RPL36A: variants seen among roughly 807,000 people sequenced by gnomAD.
RPL36A encodes the protein large ribosomal subunit protein eL42.
For synonymous variants in RPL36A, 25 were observed against 28.5 expected (o/e 0.88, Z 0.39); for missense variants, 20 against 81.0 (o/e 0.25, Z 2.89).
chrX:101,395,647 T>C, intron 4 of RPL36A, 81 bp from the exon 5 acceptor site: 1 of 1,126,258 alleles, frequency 8.9e-7, no homozygotes, highest in Non-Finnish European at 1.2e-6. Flanking sequence ...GCATGGTGAG[T>C]ATTTTAGGAA....
intron 3 of RPL36A, 138 bp from the exon 4 acceptor site, chrX:101,395,197 A>T (rs1341183939): frequency 5.1e-6 from 3 of 588,918 alleles, no homozygotes; most frequent in African/African-American, 2.4e-5. Flanking sequence ...TACTATTTAA[A>T]GCAAAGCATT....
chrX:101,392,380 C>T (rs1476559770), intron 3 of RPL36A: 10 of 825,976 alleles, frequency 1.2e-5, no homozygotes, highest in South Asian at 4.3e-5. Flanking sequence ...ATGATTGGAA[C>T]GGAGCATTCT....
intron 3 of RPL36A, chrX:101,393,781 A>G (rs1222558657): frequency 9.8e-5 from 11 of 112,198 alleles, no homozygotes; most frequent in Non-Finnish European, 1.9e-4. Context: ...CAGCCAAAGG[A>G]GTCTAGAGAC....
In RPL36A at chrX:101,392,464, T is replaced by C. The variant is rs994331325; in HGVS notation, c.177+642T>C. The C allele has an allele frequency of 2.9e-5, 22 of 765,531 alleles. No individual in the cohort carries two copies. The South Asian group carries it at 8.3e-4, about 29-fold the overall frequency. 63.1% of individuals were successfully genotyped at this position (765,531 alleles called of 1,213,427 possible). On this transcript the variant is annotated intron_variant, in intron 3 of 4. Transcript: ENST00000553110. ...TCCAGAAAGTATTAAGGAATGACTTTAGTGCTCATTTGGATGCAGTAAGTG... is the reference window on the plus strand; with the variant it reads ...TCCAGAAAGTATTAAGGAATGACTTCAGTGCTCATTTGGATGCAGTAAGTG...
chrX:101,394,756 T>A (rs1927956909), intron 3 of RPL36A, among the ~76,000 whole-genome samples: 1 of 98,436 alleles, frequency 1.0e-5, no homozygotes, highest in South Asian at 4.5e-4. Flanking sequence ...TTATGTTTTT[T>A]ATATATATTT....
intron 3 of RPL36A, 42 bp downstream of exon 3, chrX:101,391,864 G>T (rs782253603): frequency 6.7e-6 from 8 of 1,201,179 alleles, no homozygotes; most frequent in Middle Eastern, 2.3e-4. Flanking sequence ...GTTAATTGCC[G>T]TAAGGATATG....
At chrX:101,393,990 T>A (rs1007548961) in intron 3 of RPL36A, 8 of 112,352 alleles carry the variant, frequency 7.1e-5, no homozygotes, top group African/African-American at 2.6e-4. Flanking sequence ...TGCAATTTTT[T>A]GGTAAATAGA....
At chrX:101,391,434 A>G in intron 1 of RPL36A, 25 bp from the exon 2 acceptor site, 1 of 1,206,658 alleles carries the variant, frequency 8.3e-7, no homozygotes, top group South Asian at 1.8e-5. Flanking sequence ...ATAACATTGC[A>G]CGTTCTGAAC....
At chrX:101,391,953 A>G (rs1927825155) in intron 3 of RPL36A, 131 bp downstream of exon 3, 6 of 1,185,945 alleles carry the variant, frequency 5.1e-6, no homozygotes, top group Middle Eastern at 2.3e-4. Flanking sequence ...TGATATATCT[A>G]GTAGGTGATG....
At chrX:101,392,355 A>T (rs1428352978) in intron 3 of RPL36A, 14 of 848,976 alleles carry the variant, frequency 1.6e-5, no homozygotes, top group Non-Finnish European at 2.0e-5. Context: ...GCTAACTCTT[A>T]AAGTAATTAG....
At chrX:101,392,747 T>C (rs781873593) in intron 3 of RPL36A, 70 of 355,881 alleles carry the variant, frequency 2.0e-4, no homozygotes, top group Non-Finnish European at 2.4e-4. Flanking sequence ...TCTGCACTCC[T>C]ATGTTTGTTG....
intron 3 of RPL36A, 46 bp from the exon 4 acceptor site, chrX:101,395,288 GA>G (rs1569301692): frequency 1.8e-6 from 2 of 1,123,064 alleles, no homozygotes; most frequent in East Asian, 6.4e-5. Flanking sequence ...TGAAGAAAGT[GA>G]TCTTCTGTAG....
rs3216787 is a variant in RPL36A at position 101,391,091 on chromosome X, TC to T, written c.3+52del. 119 of 1,176,947 alleles carry T rather than the reference TC, an allele frequency of 1.0e-4. No individual in the cohort carries two copies. In the East Asian group the frequency reaches 2.7e-3, roughly 27 times the overall value. On this transcript the variant is annotated intron_variant, in intron 1 of 4. Coordinates refer to ENST00000553110, the MANE Select transcript of RPL36A (RefSeq NM_021029.6). ...GCCGAGTAACATCCAGCTTAATCTT[TC>T]CCCCCCTTCGTCGCCCGTGCTATGC... is the stretch of plus-strand genomic sequence containing the variant.
intron 3 of RPL36A, 113 bp downstream of exon 3, chrX:101,391,935 C>A (rs1927824264): frequency 8.4e-7 from 1 of 1,188,121 alleles, no homozygotes; most frequent in East Asian, 3.0e-5. Flanking sequence ...GCGAAGTTTT[C>A]ACTGCACTGA....
chrX:101,394,729 A>C (rs1277007152), intron 3 of RPL36A, among the ~76,000 whole-genome samples: 1 of 100,298 alleles, frequency 1.0e-5, no homozygotes, highest in Non-Finnish European at 2.0e-5. Context: ...TTTATATATT[A>C]TATATTATAT....
chrX:101,395,876 C>A lies in RPL36A; in HGVS notation c.*128C>A. 1.7e-6 allele frequency: 1 copy of A among 600,874 alleles called. No homozygotes were observed. Among genetic ancestry groups the A allele is most frequent in the Non-Finnish European group, 2.6e-6 (1 of 387,753 alleles). The allele number at this position is 600,874 out of a possible 1,213,427, so 49.5% of individuals were successfully genotyped here. On this transcript the variant is annotated 3_prime_UTR_variant, in exon 5 of 5. Coordinates refer to ENST00000553110, the MANE Select transcript of RPL36A (RefSeq NM_021029.6). The stretch of plus-strand genomic sequence containing the variant: ...AATTCCGCTTGTGGGGAAATTTATG[C>A]CTCTTACTGGTACTACTTGTTTTGC...
At chrX:101,391,368 C>G (rs1927794093) in intron 1 of RPL36A, 91 bp from the exon 2 acceptor site, 1 of 1,067,035 alleles carries the variant, frequency 9.4e-7, no homozygotes, top group Non-Finnish European at 1.3e-6. Context: ...GAGGAGTCCT[C>G]CTGGAGTGCC....
In RPL36A at chrX:101,393,021, G is replaced by A. The variant is rs1927872609; in HGVS notation, c.177+1199G>A. On this transcript the variant is annotated intron_variant, in intron 3 of 4. Transcript: ENST00000553110. ...CTCAGCCACCCGGGAGGCTGAGGCA[G>A]GAGAATCGCTGGAACCTGGGAGGCA... is the stretch of plus-strand genomic sequence containing the variant. 3 of 104,404 alleles carry A rather than the reference G, an allele frequency of 2.9e-5. No individual in the cohort carries two copies. In the Admixed American group the frequency reaches 3.2e-4, roughly 11 times the overall value. 8.6% of individuals were successfully genotyped at this position (104,404 alleles called of 1,213,427 possible).
Position 101,391,524 on chromosome X carries a change from G to A in RPL36A, c.69G>A (p.Val23=), listed in dbSNP as rs1927801901. 1 of 1,211,916 alleles carries A rather than the reference G, an allele frequency of 8.3e-7. No homozygotes were observed. Among genetic ancestry groups the A allele is most frequent in the Admixed American group, 2.2e-5 (1 of 46,055 alleles). ...KKCGKHQPHK[V]TQYKKGKDSL... ...GTGGCAAGCACCAACCCCATAAAGT[G>A]ACACAGTACAAGAAGGGCAAGGATT... The change falls in exon 2 of 5, where the codon GTG becomes GTA. Residue 23 remains valine, a synonymous_variant. Coordinates refer to ENST00000553110, the MANE Select transcript of RPL36A (RefSeq NM_021029.6).
Sources: gnomAD v4.1 joint callset for allele counts (sites outside exome capture counted in the v4.1 genomes callset) on GRCh38, gnomAD v4.1.1 for gene constraint, MANE v1.5 for transcripts, NCBI Gene and HGNC (gene_info 2026-07-23, HGNC 2026-07-21) for gene names.